Variants in SEC24D observed in about 807,000 individuals in gnomAD.
SEC24D encodes protein transport protein Sec24D.
A neutral mutation model predicts 116.9 loss-of-function variants in SEC24D; 69 were observed. The observed-to-expected ratio is 0.59, with a 90% CI of 0.49 to 0.72. The LOEUF is 0.72. Among genes scored for constraint, SEC24D ranks in the 30% least tolerant of loss-of-function variants. The pLI is 0.00. For synonymous variants in SEC24D, 405 were observed against 442.8 expected, an observed-to-expected ratio of 0.91 and a Z score of 1.07; for missense variants, 1,131 against 1,264.1, an observed-to-expected ratio of 0.89 and a Z score of 1.60.
intron 4 of SEC24D, 115 bp downstream of exon 4, chr4:118,817,149 C>A (rs1730184051): frequency 1.2e-6 from 1 of 813,392 alleles, no homozygotes. Flanking sequence ...TGTCCAAATA[C>A]TACTTCAACA....
intron 6 of SEC24D, among the ~76,000 whole-genome samples, chr4:118,811,178 T>C (rs1434708271): frequency 6.6e-6 from 1 of 152,150 alleles, no homozygotes; most frequent in Non-Finnish European, 1.5e-5. Flanking sequence ...GGCAACTCTT[T>C]GGGAGATTTC....
At position 118,833,371 on chromosome 4, in the gene SEC24D, T is replaced by G. The variant is rs116559327; in HGVS notation, c.118+208A>C. ...AGGAAGTGTTTGTTTTAGTCTATAT[T>G]TAAAAACCAAACTTGTATTGCATGC... is the stretch of plus-strand genomic sequence containing the variant. On this transcript the variant is annotated intron_variant, in intron 2 of 22. Coordinates refer to ENST00000280551, the MANE Select transcript of SEC24D (RefSeq NM_014822.4). 0.052 allele frequency: 21,654 copies of G among 418,404 alleles called. 789 individuals are homozygous for G. The highest frequency in any genetic ancestry group is 0.067 in the Non-Finnish European group (15,865 of 237,364). The allele number at this position is 418,404 out of a possible 1,614,324, so 25.9% of individuals were successfully genotyped here. A position where few individuals can be genotyped will look rare whatever the true frequency, so the allele number is the denominator to read the frequency against.
Position 118,815,540 on chromosome 4 carries a change from C to G in SEC24D, c.584G>C (p.Gly195Ala). The stretch of plus-strand genomic sequence containing the variant: ...ATTTGGAGGAGGAGGCCCAGAGAGC[C>G]CATCTGGTCTGTACATTGGTAGAGG... ...PLPLPMYRPD[G>A]LSGPPPPNAQ... is the part of the protein sequence containing the mutation. Residue 195 changes from glycine (G) to alanine (A), a missense_variant, in exon 5 of 23, where the codon GGG (glycine) becomes GCG (alanine). Transcript: ENST00000280551. 2 of 1,614,118 alleles carry G rather than the reference C, an allele frequency of 1.2e-6. No homozygotes were observed. The highest frequency in any genetic ancestry group is 1.7e-6 in the Non-Finnish European group (2 of 1,180,022).
Position 118,740,679 on chromosome 4 carries a change from C to T in SEC24D, c.2222G>A (p.Ser741Asn), listed in dbSNP as rs1726183607. The T allele has an allele frequency of 2.5e-6, 4 of 1,613,834 alleles. No individual in the cohort carries two copies. In the East Asian group the frequency reaches 8.9e-5, roughly 36 times the overall value. ...FKHDDKLSEDSGALIQCAVLY... is the reference protein window; with the variant it reads ...FKHDDKLSEDNGALIQCAVLY... ...TTCAATCACCTGGATTAAGGCTCCACTGTCTTCACTGAGTTTGTCATCGTG... is the reference window on the plus strand; with the variant it reads ...TTCAATCACCTGGATTAAGGCTCCATTGTCTTCACTGAGTTTGTCATCGTG... Residue 741 changes from serine (S) to asparagine (N), a missense_variant, in exon 17 of 23, where the codon AGT becomes AAT. Ser to Asn is a conservative substitution (Grantham distance 46, BLOSUM62 1). Coordinates refer to ENST00000280551, the MANE Select transcript of SEC24D (RefSeq NM_014822.4).
intron 8 of SEC24D, among the ~76,000 whole-genome samples, chr4:118,789,351 T>C (rs1274141523): frequency 1.3e-5 from 2 of 152,328 alleles, no homozygotes; most frequent in Non-Finnish European, 2.9e-5. Context: ...AAAAGTCAAA[T>C]GCATGACCAG....
chr4:118,732,649 A>G, intron 20 of SEC24D, 84 bp downstream of exon 20: 5 of 1,287,922 alleles, frequency 3.9e-6, no homozygotes, highest in South Asian at 1.4e-5. Flanking sequence ...AGAACAACAT[A>G]TTTCAGATAT....
chr4:118,734,212 CTTTT>C (rs1491565257), intron 19 of SEC24D, among the ~76,000 whole-genome samples: 1 of 150,438 alleles, frequency 6.6e-6, no homozygotes, highest in Non-Finnish European at 1.5e-5. Flanking sequence ...AGCTTTCTCT[CTTTT>C]TTATTTTTAT....
chr4:118,780,907 CTTTTTTTTTTTTTTT>C (rs143712578), intron 8 of SEC24D, among the ~76,000 whole-genome samples: 1 of 61,834 alleles, frequency 1.6e-5, no homozygotes, highest in Non-Finnish European at 3.0e-5. Flanking sequence ...GCAACCCCTG[CTTTTTTTTTTTTTTT>C]TTTTTTTTTT....
intron 10 of SEC24D, among the ~76,000 whole-genome samples, chr4:118,760,168 G>A (rs531958187): frequency 6.6e-5 from 10 of 152,162 alleles, no homozygotes; most frequent in South Asian, 6.2e-4. Context: ...TAATTGTGGC[G>A]AAGAAAACAT....
At chr4:118,791,952 T>C (rs1728931142) in intron 8 of SEC24D, among the ~76,000 whole-genome samples, 1 of 151,938 alleles carries the variant, frequency 6.6e-6, no homozygotes, top group Non-Finnish European at 1.5e-5. Context: ...CCACCCCGTC[T>C]AGGAAGTGAG....
In SEC24D at chr4:118,760,709, A is replaced by AT. The variant is rs796328439; in HGVS notation, c.1297-2865dup. 565 of 150,760 alleles carry AT rather than the reference A, an allele frequency of 3.7e-3. 2 individuals carry two copies. Among genetic ancestry groups the AT allele is most frequent in the African/African-American group, 0.012 (483 of 41,002 alleles). The allele number at this position is 150,760 out of a possible 1,614,324, so 9.3% of individuals were successfully genotyped here. On this transcript the variant is annotated intron_variant, in intron 10 of 22. Transcript: ENST00000280551. ...AACTGCTAGGTCATATGGTAATTCA[A>AT]TTTTTTTTTTGTTTGTTTAAAGAAG...
intron 3 of SEC24D, among the ~76,000 whole-genome samples, chr4:118,820,782 T>C (rs1284741944): frequency 6.6e-6 from 1 of 152,190 alleles, no homozygotes; most frequent in Non-Finnish European, 1.5e-5. Context: ...TTCAATTATA[T>C]ATTTTAATTT....
intron 11 of SEC24D, among the ~76,000 whole-genome samples, chr4:118,754,559 C>A (rs1246104057): frequency 6.6e-6 from 1 of 152,104 alleles, no homozygotes; most frequent in African/African-American, 2.4e-5. Flanking sequence ...TGTTATCTGT[C>A]CCCTGAGGGT....
chr4:118,806,882 G>A (rs899096731), intron 6 of SEC24D, among the ~76,000 whole-genome samples: 5 of 152,072 alleles, frequency 3.3e-5, no homozygotes, highest in Non-Finnish European at 7.4e-5. Flanking sequence ...AGCTACTCTG[G>A]AGGCTGAGGT....
chr4:118,799,794 C>G (rs1729345847), intron 7 of SEC24D, among the ~76,000 whole-genome samples: 1 of 152,070 alleles, frequency 6.6e-6, no homozygotes, highest in African/African-American at 2.4e-5. Flanking sequence ...AAAATCTGCT[C>G]AGAGTGAGTT....
chr4:118,815,693 G>C lies in SEC24D; in HGVS notation c.431C>G (p.Pro144Arg). The C allele has an allele frequency of 6.2e-7, 1 of 1,614,042 alleles. No individual in the cohort carries two copies. The highest frequency in any genetic ancestry group is 8.5e-7 in the Non-Finnish European group (1 of 1,179,994). The change falls in exon 5 of 23, where the codon CCT becomes CGT. Residue 144 changes from proline (P) to arginine (R), a missense_variant. Transcript: ENST00000280551. ...CAATGATGTGGCTGACAGAGGGCCA[G>C]GGGGTCCCTGGCTTGGAGGAGCCAT... ...SGMAPPSQGP[P>R]GPLSATSLQT...
intron 21 of SEC24D, 93 bp downstream of exon 21, chr4:118,731,220 ATTT>A: frequency 1.0e-6 from 1 of 973,072 alleles, no homozygotes; most frequent in East Asian, 2.6e-5. Context: ...ATGCCTTATT[ATTT>A]TTCTTTCTGT....
chr4:118,752,430 G>A (rs557591726), intron 12 of SEC24D, among the ~76,000 whole-genome samples: 103 of 152,194 alleles, frequency 6.8e-4, no homozygotes, highest in Middle Eastern at 3.4e-3. Context: ...GCTCCCTTGC[G>A]ATACCTTTCC....
At chr4:118,745,319 G>A (rs1376318374) in intron 13 of SEC24D, among the ~76,000 whole-genome samples, 1 of 152,084 alleles carries the variant, frequency 6.6e-6, no homozygotes, top group Non-Finnish European at 1.5e-5. Context: ...ATAGGTCTGT[G>A]TATCATAACA....
Sources: allele counts gnomAD v4.1 joint callset (sites outside exome capture counted in the v4.1 genomes callset), GRCh38; gene constraint gnomAD v4.1.1; transcripts MANE v1.5; gene names NCBI Gene and HGNC (gene_info 2026-07-23, HGNC 2026-07-21).